The following PLCH1 variants were observed in gnomAD, a reference collection of about 807,000 sequenced individuals.
PLCH1 encodes 1-phosphatidylinositol 4,5-bisphosphate phosphodiesterase eta-1.
Under a neutral mutation model 126.7 loss-of-function variants are expected in PLCH1, and 60 were observed. That is an observed-to-expected ratio of 0.47 (90% CI 0.38 to 0.59). The LOEUF is 0.59. Ranked by LOEUF, PLCH1 falls within the 20% of genes least tolerant of loss-of-function variation. PLCH1 has a pLI of 0.00. For synonymous variants in PLCH1, 719 were observed against 734.9 expected (o/e 0.98, Z 0.35); for missense variants, 1,723 against 2,040.0 (o/e 0.84, Z 2.99).
At chr3:155,627,533 C>G (rs1378361438) in intron 2 of PLCH1, among the ~76,000 whole-genome samples, 1 of 151,330 alleles carries the variant, frequency 6.6e-6, no homozygotes, top group African/African-American at 2.4e-5. Flanking sequence ...ACTTGGGAGG[C>G]TGAGGTGGGA....
chr3:155,495,442 C>T (rs1358165998), intron 15 of PLCH1, among the ~76,000 whole-genome samples: 1 of 152,154 alleles, frequency 6.6e-6, no homozygotes, highest in Non-Finnish European at 1.5e-5. Context: ...AAATGGCCGC[C>T]CATATGTCAT....
At chr3:155,729,896 G>A (rs886497634) in intron 1 of PLCH1, among the ~76,000 whole-genome samples, 3 of 148,030 alleles carry the variant, frequency 2.0e-5, no homozygotes, top group African/African-American at 5.1e-5. Flanking sequence ...CTGTACTCCC[G>A]CGTGGGTGAC....
intron 8 of PLCH1, among the ~76,000 whole-genome samples, chr3:155,563,454 T>C (rs1727903154): frequency 6.6e-6 from 1 of 152,152 alleles, no homozygotes; most frequent in South Asian, 2.1e-4. Context: ...TCGTTCCTTT[T>C]ATTCTTTTCT....
At chr3:155,712,370 C>T (rs1747184679) in intron 1 of PLCH1, among the ~76,000 whole-genome samples, 1 of 152,138 alleles carries the variant, frequency 6.6e-6, no homozygotes, top group Admixed American at 6.5e-5. Context: ...CAAAGCAAAA[C>T]ACAAAACCTT....
intron 2 of PLCH1, among the ~76,000 whole-genome samples, chr3:155,620,274 G>C (rs78206263): frequency 0.017 from 2,628 of 152,316 alleles, 224 homozygotes; most frequent in Admixed American, 0.14. Flanking sequence ...CTGCATAAAA[G>C]ATTTATTAAG....
At chr3:155,488,499 A>G (rs569511758) in intron 20 of PLCH1, among the ~76,000 whole-genome samples, 161 bp downstream of exon 20, 1 of 152,126 alleles carries the variant, frequency 6.6e-6, no homozygotes, top group East Asian at 1.9e-4. Context: ...ACCCAGCCCA[A>G]CTATACTCCT....
intron 2 of PLCH1, among the ~76,000 whole-genome samples, chr3:155,621,991 A>T (rs1013396080): frequency 6.6e-5 from 10 of 152,232 alleles, no homozygotes; most frequent in African/African-American, 2.4e-4. Flanking sequence ...TGAAGCAAAA[A>T]ATGTTAAGGG....
chr3:155,663,432 T>C (rs1048438960), intron 2 of PLCH1, among the ~76,000 whole-genome samples: 1 of 152,200 alleles, frequency 6.6e-6, no homozygotes, highest in Non-Finnish European at 1.5e-5. Flanking sequence ...CTGAAACCTT[T>C]TGCTCTCTTT....
chr3:155,542,018 T>C (rs963522981), intron 10 of PLCH1, among the ~76,000 whole-genome samples: 3 of 151,950 alleles, frequency 2.0e-5, no homozygotes, highest in Non-Finnish European at 2.9e-5. Flanking sequence ...CACTAGGGAG[T>C]GCCAGACAGT....
chr3:155,554,041 G>T, intron 9 of PLCH1, 35 bp downstream of exon 9: 1 of 1,607,738 alleles, frequency 6.2e-7, no homozygotes, highest in Non-Finnish European at 8.5e-7. Flanking sequence ...CATGCGGGAG[G>T]CTACCGCTTA....
At chr3:155,546,361 A>G (rs1449447391) in intron 10 of PLCH1, among the ~76,000 whole-genome samples, 2 of 152,224 alleles carry the variant, frequency 1.3e-5, no homozygotes, top group South Asian at 2.1e-4. Flanking sequence ...AAGAAGAACT[A>G]CAAACCACTG....
intron 2 of PLCH1, among the ~76,000 whole-genome samples, chr3:155,685,928 TC>T (rs1744900807): frequency 1.3e-5 from 2 of 152,216 alleles, no homozygotes; most frequent in South Asian, 4.1e-4. Flanking sequence ...AATATTTTTC[TC>T]CATGTTTTTT....
At position 155,511,937 on chromosome 3, in the gene PLCH1, G is replaced by T. The variant is rs570833086; in HGVS notation, c.1632+2786C>A. Among the ~76,000 whole-genome samples the T allele has an allele frequency of 5.9e-5, 9 of 152,164 alleles. No homozygotes were observed. The East Asian group carries it at 1.7e-3, about 29-fold the overall frequency. ...TAAGCAAGCCTGGGCAATGGCGGGCGCCCCTCCCCCAGCCTCATTGCCGCC... is the reference window on the plus strand; with the variant it reads ...TAAGCAAGCCTGGGCAATGGCGGGCTCCCCTCCCCCAGCCTCATTGCCGCC... On this transcript the variant is annotated intron_variant, in intron 12 of 22. Coordinates refer to ENST00000460012, the MANE Select transcript of PLCH1 (RefSeq NM_014996.4).
At chr3:155,538,888 CT>C (rs1474209291) in intron 10 of PLCH1, among the ~76,000 whole-genome samples, 14 of 151,772 alleles carry the variant, frequency 9.2e-5, no homozygotes, top group Non-Finnish European at 1.9e-4. Context: ...AGAATCCCCC[CT>C]AAATCATGCT....
chr3:155,649,975 C>G (rs567065866), intron 2 of PLCH1, among the ~76,000 whole-genome samples: 2 of 151,350 alleles, frequency 1.3e-5, no homozygotes, highest in Admixed American at 1.3e-4. Flanking sequence ...GAGACTCCTT[C>G]TCAAAAAAAA....
intron 2 of PLCH1, among the ~76,000 whole-genome samples, chr3:155,649,391 T>C (rs1311924501): frequency 6.6e-6 from 1 of 152,142 alleles, no homozygotes; most frequent in Non-Finnish European, 1.5e-5. Context: ...TCAGCAGACC[T>C]TGTTCCCTTA....
At chr3:155,604,878 T>C (rs1734163771) in intron 2 of PLCH1, among the ~76,000 whole-genome samples, 1 of 152,202 alleles carries the variant, frequency 6.6e-6, no homozygotes, top group African/African-American at 2.4e-5. Flanking sequence ...TTGCCTCCTC[T>C]GCAAGGTTTT....
intron 12 of PLCH1, among the ~76,000 whole-genome samples, chr3:155,510,909 C>G (rs1474887750): frequency 5.6e-3 from 580 of 103,104 alleles, no homozygotes; most frequent in Middle Eastern, 0.014. Flanking sequence ...GCCTGCCTTG[C>G]TAGATTGGGG....
In PLCH1 at chr3:155,482,125, T is replaced by G. The variant is rs540087140; in HGVS notation, c.3901A>C (p.Asn1301His). 13 of 1,614,060 alleles carry G rather than the reference T, an allele frequency of 8.1e-6. 1 individual carries two copies. The East Asian group carries it at 2.9e-4, about 36-fold the overall frequency. The change falls in exon 23 of 23, where the codon AAT (asparagine) becomes CAT (histidine). Residue 1301 changes from asparagine to histidine, a missense_variant. Physicochemically the swap from Asn to His is moderately conservative, Grantham distance 68. Coordinates refer to ENST00000460012, the MANE Select transcript of PLCH1 (RefSeq NM_014996.4). ...ALESNLPGSP[N>H]TSRGWLPKSP... Reference sequence around the variant, plus strand: ...TTTGGTAACCAGCCACGAGAAGTATTAGGGGATCCAGGCAGGTTGCTTTCT... The same window carrying G: ...TTTGGTAACCAGCCACGAGAAGTATGAGGGGATCCAGGCAGGTTGCTTTCT...
Sources: gnomAD v4.1 joint callset for allele counts (sites outside exome capture counted in the v4.1 genomes callset) on GRCh38, gnomAD v4.1.1 for gene constraint, MANE v1.5 for transcripts, NCBI Gene and HGNC (gene_info 2026-07-23, HGNC 2026-07-21) for gene names.